MPDZ: variants seen among roughly 807,000 people sequenced by gnomAD.
MPDZ encodes multiple PDZ domain protein.
In MPDZ, 234 loss-of-function variants were observed where a neutral mutation model predicts 239.1. The observed-to-expected ratio is 0.98, with a 90% CI of 0.88 to 1.09. MPDZ has a LOEUF of 1.09. MPDZ is among the 50% of genes least tolerant of loss of function. The pLI, the probability that MPDZ is intolerant of heterozygous loss-of-function variation, is 0.00. For missense variants in MPDZ, 3,175 were observed against 2,510.0 expected (o/e 1.26, Z -5.66); for synonymous variants, 1,048 against 881.3 (o/e 1.19, Z -3.35).
chr9:13,125,216 T>C lies in MPDZ; in HGVS notation c.4807A>G (p.Asn1603Asp). 2.5e-6 allele frequency: 4 copies of C among 1,590,306 alleles called. No individual in the cohort carries two copies. The highest frequency in any genetic ancestry group is 3.4e-6 in the Non-Finnish European group (4 of 1,165,760). ...SGSPEPESIR[N>D]TSRSSTPAIF... ...ACTCTCATGAGTCCAGAGGCCTTAC[T>C]TCGGATGGACTCCGGTTCTGGGGAG... Residue 1603 changes from asparagine to aspartate, a missense_variant and splice_region_variant, in exon 35 of 47, where the codon AAT becomes GAT. Coordinates refer to ENST00000319217, the MANE Select transcript of MPDZ (RefSeq NM_001378778.1).
At position 13,175,687 on chromosome 9, in the gene MPDZ, T is replaced by C; in HGVS notation, c.3055+65A>G. The stretch of plus-strand genomic sequence containing the variant: ...CAGCATAAAAAATTGAAATTTACCA[T>C]GTTCAATATTTCCCCTTGTCAAGGG... On this transcript the variant is annotated intron_variant, in intron 21 of 46. Coordinates refer to ENST00000319217, the MANE Select transcript of MPDZ (RefSeq NM_001378778.1). 7 of 1,480,990 alleles carry C rather than the reference T, an allele frequency of 4.7e-6. No individual in the cohort carries two copies. In the South Asian group the frequency reaches 8.9e-5, roughly 19 times the overall value. 91.7% of individuals were successfully genotyped at this position (1,480,990 alleles called of 1,614,324 possible).
At chr9:13,225,925 T>C (rs1960425899) in intron 3 of MPDZ, among the ~76,000 whole-genome samples, 1 of 152,040 alleles carries the variant, frequency 6.6e-6, no homozygotes, top group Non-Finnish European at 1.5e-5. Flanking sequence ...TGGCTGACTC[T>C]TGACTGCATC....
At chr9:13,146,223 A>T (rs1250827054) in intron 26 of MPDZ, among the ~76,000 whole-genome samples, 3 of 152,064 alleles carry the variant, frequency 2.0e-5, no homozygotes, top group African/African-American at 7.2e-5. Flanking sequence ...CACTCTTTAC[A>T]GTAAACCCAG....
chr9:13,222,306 A>C lies in MPDZ; in HGVS notation c.674T>G (p.Leu225Trp). ...TVQLVIARGS[L>W]PQLVSPIVSR... is the part of the protein sequence containing the mutation. Reference sequence around the variant, plus strand: ...AACTATGGGGCTGACAAGCTGAGGCAATGAGCCTCTGGCAATAACTAGCTG... The same window carrying C: ...AACTATGGGGCTGACAAGCTGAGGCCATGAGCCTCTGGCAATAACTAGCTG... The change falls in exon 6 of 47, where the codon TTG becomes TGG. Residue 225 changes from leucine to tryptophan, a missense_variant. By Grantham distance (61) the Leu-to-Trp change is moderately conservative. Transcript: ENST00000319217. 4 of 1,612,986 alleles carry C rather than the reference A, an allele frequency of 2.5e-6. No individual in the cohort carries two copies. In the East Asian group the frequency reaches 8.9e-5, roughly 36 times the overall value.
intron 28 of MPDZ, among the ~76,000 whole-genome samples, chr9:13,139,752 T>C (rs1947357957): frequency 6.6e-6 from 1 of 152,106 alleles, no homozygotes; most frequent in Non-Finnish European, 1.5e-5. Context: ...TTAATTCTCA[T>C]ACAAAAGGCA....
At chr9:13,178,083 C>G (rs1050024677) in intron 19 of MPDZ, among the ~76,000 whole-genome samples, 2 of 151,814 alleles carry the variant, frequency 1.3e-5, no homozygotes, top group Non-Finnish European at 2.9e-5. Context: ...GGATTACAGG[C>G]GTGAGCCACT....
Position 13,279,460 on chromosome 9 carries a change from G to A in MPDZ, c.-118C>T, listed in dbSNP as rs1975183877. ...GGGGGCGGAGGACTGGGGAGCAGGG[G>A]TCGCCGGGGCCTCTGGATGCCTCGC... On this transcript the variant is annotated 5_prime_UTR_variant, in exon 1 of 47. Transcript: ENST00000319217. 1 of 148,502 alleles carries A rather than the reference G, an allele frequency of 6.7e-6. No homozygotes were observed. The highest frequency in any genetic ancestry group is 2.1e-4 in the South Asian group (1 of 4,814). The allele number at this position is 148,502 out of a possible 1,614,324, so 9.2% of individuals were successfully genotyped here. A position where few individuals can be genotyped will look rare whatever the true frequency, so the allele number is the denominator to read the frequency against.
chr9:13,160,529 TTAAG>T (rs1326074789), intron 23 of MPDZ, among the ~76,000 whole-genome samples: 3 of 151,874 alleles, frequency 2.0e-5, no homozygotes, highest in African/African-American at 7.3e-5. Flanking sequence ...GGTGTATTCT[TTAAG>T]TAAGTCATTT....
At chr9:13,214,641 G>A (rs12005144) in intron 10 of MPDZ, among the ~76,000 whole-genome samples, 42,326 of 151,808 alleles carry the variant, frequency 0.28, 7,661 homozygotes, top group East Asian at 0.57. Context: ...TTACTTAGGA[G>A]AAAAAAGTAA....
chr9:13,168,284 A>T, intron 22 of MPDZ, 82 bp downstream of exon 22: 1 of 1,281,116 alleles, frequency 7.8e-7, no homozygotes, highest in Non-Finnish European at 1.1e-6. Flanking sequence ...CATCTCAAAC[A>T]GAAGTGAATA....
chr9:13,113,843 G>A (rs1177196138), intron 41 of MPDZ, 88 bp downstream of exon 41: 4 of 1,013,484 alleles, frequency 3.9e-6, no homozygotes, highest in East Asian at 2.6e-5. Context: ...TGATTTGGGG[G>A]AAAAGAAAGC....
chr9:13,238,980 G>A (rs1964740819), intron 3 of MPDZ, among the ~76,000 whole-genome samples: 2 of 151,906 alleles, frequency 1.3e-5, no homozygotes, highest in South Asian at 4.2e-4. Flanking sequence ...TTCTAACATG[G>A]CATATATTGA....
chr9:13,278,733 G>C (rs938392862), intron 1 of MPDZ, among the ~76,000 whole-genome samples: 1 of 152,104 alleles, frequency 6.6e-6, no homozygotes, highest in Non-Finnish European at 1.5e-5. Context: ...GCCGGTGCCA[G>C]GGGTGAGGGA....
chr9:13,225,181 T>C (rs1444639243), intron 3 of MPDZ, among the ~76,000 whole-genome samples: 3 of 151,980 alleles, frequency 2.0e-5, no homozygotes, highest in East Asian at 3.9e-4. Flanking sequence ...AGTGCTATTA[T>C]GAGAGTCAAA....
chr9:13,192,056 A>G (rs1056257035), intron 15 of MPDZ, 75 bp downstream of exon 15: 1 of 1,273,422 alleles, frequency 7.9e-7, no homozygotes, highest in African/African-American at 1.5e-5. Context: ...AAATTGAAAA[A>G]TGCTTAAAAA....
chr9:13,232,220 G>A (rs1224284943), intron 3 of MPDZ, among the ~76,000 whole-genome samples: 1 of 152,138 alleles, frequency 6.6e-6, no homozygotes, highest in Non-Finnish European at 1.5e-5. Context: ...TGTAATAAGT[G>A]AACTTAGTAA....
rs368808895 is a variant in MPDZ, at chr9:13,147,542, G to A, written c.3741+6C>T. On this transcript the variant is annotated splice_donor_region_variant and intron_variant, in intron 26 of 46. Transcript: ENST00000319217. Reference sequence around the variant, plus strand: ...TATGCCTACCTTGCCCTTTGTGTTCGCTTACCCTTGGTCTGTTTATAATGC... The same window carrying A: ...TATGCCTACCTTGCCCTTTGTGTTCACTTACCCTTGGTCTGTTTATAATGC... The A allele has an allele frequency of 1.4e-5, 23 of 1,606,464 alleles. No individual in the cohort carries two copies. Among genetic ancestry groups the A allele is most frequent in the East Asian group, 8.9e-5 (4 of 44,774 alleles).
intron 19 of MPDZ, among the ~76,000 whole-genome samples, chr9:13,180,525 T>G (rs778516696): frequency 7.2e-5 from 11 of 152,140 alleles, no homozygotes; most frequent in Non-Finnish European, 1.3e-4. Context: ...CTTTATCCAT[T>G]GTATTTTTAA....
At chr9:13,253,445 A>G (rs1452398957) in intron 1 of MPDZ, among the ~76,000 whole-genome samples, 1 of 152,194 alleles carries the variant, frequency 6.6e-6, no homozygotes, top group Non-Finnish European at 1.5e-5. Flanking sequence ...TCCTGTACTG[A>G]GGATTCAGTT....
Sources: gnomAD v4.1 joint callset for allele counts (sites outside exome capture counted in the v4.1 genomes callset) on GRCh38, gnomAD v4.1.1 for gene constraint, MANE v1.5 for transcripts, NCBI Gene and HGNC (gene_info 2026-07-23, HGNC 2026-07-21) for gene names.